Variants in TRMT11 observed in about 807,000 individuals in gnomAD.
TRMT11 encodes tRNA methyltransferase 11.
Under a neutral mutation model 62.8 loss-of-function variants are expected in TRMT11, and 53 were observed. The observed-to-expected ratio is 0.84, with a 90% CI of 0.68 to 1.06. The LOEUF (loss-of-function observed/expected upper bound fraction) is 1.06, where lower values mean the gene tolerates loss of function less well. Ranked by LOEUF, TRMT11 falls within the 50% of genes least tolerant of loss-of-function variation. TRMT11 has a pLI of 0.00. For synonymous variants in TRMT11, 188 were observed against 190.3 expected (o/e 0.99, Z 0.10); for missense variants, 556 against 553.4 (o/e 1.00, Z -0.05).
At chr6:126,243,378 G>C in the TRMT11 span, among the ~76,000 whole-genome samples, 61 of 152,242 alleles carry the variant, frequency 4.0e-4, no homozygotes, top group Non-Finnish European at 1.6e-4. Context: ...TCAGTGTGGC[G>C]ATTCCTCAGG....
At chr6:126,115,812 C>T (rs1777580192) in exon 21 of TRMT11, among the ~76,000 whole-genome samples, 1 of 151,928 alleles carries the variant, frequency 6.6e-6, no homozygotes, top group Admixed American at 6.6e-5. Context: ...TTCCTGTTCC[C>T]ATTAGTGTCA....
chr6:126,018,566 A>G (rs1795327755), intron 11 of TRMT11, among the ~76,000 whole-genome samples: 2 of 152,084 alleles, frequency 1.3e-5, no homozygotes, highest in South Asian at 2.1e-4. Flanking sequence ...TTGTGTGACC[A>G]TCACCACTAG....
downstream of TRMT11, among the ~76,000 whole-genome samples, chr6:126,207,788 A>G (rs1778803589): frequency 6.6e-6 from 1 of 152,240 alleles, no homozygotes; most frequent in African/African-American, 2.4e-5. Context: ...AAGGCTAAAA[A>G]CATAAAATAT....
At chr6:126,151,849 T>TCTTTCTTTCTTTCTTTCTTTAGTTTC in intron 21 of TRMT11, among the ~76,000 whole-genome samples, 2 of 146,008 alleles carry the variant, frequency 1.4e-5, no homozygotes, top group African/African-American at 5.1e-5. Context: ...TTTCTTTCTT[T>TCTTTCTTTCTTTCTTTCTTTAGTTTC]CTTTCTTTCT....
At chr6:126,213,037 C>G in the TRMT11 span, among the ~76,000 whole-genome samples, 1 of 152,120 alleles carries the variant, frequency 6.6e-6, no homozygotes, top group East Asian at 1.9e-4. Flanking sequence ...TGTCCTATTC[C>G]CAGTGTATGC....
chr6:126,176,381 C>A (rs538492164), upstream of TRMT11, among the ~76,000 whole-genome samples: 4 of 151,632 alleles, frequency 2.6e-5, 1 homozygote, highest in South Asian at 8.3e-4. Context: ...TCAACCCAGC[C>A]ATTATACATG....
chr6:126,151,806 T>TTTTCTTCCTTTC (rs1554242200), intron 21 of TRMT11, among the ~76,000 whole-genome samples: 1 of 86,880 alleles, frequency 1.2e-5, no homozygotes, highest in East Asian at 3.5e-4. Context: ...CCTCTCTGTC[T>TTTTCTTCCTTTC]TTTCTTTCTT....
At chr6:126,021,951 G>A (rs775667214) in intron 12 of TRMT11, among the ~76,000 whole-genome samples, 7 of 151,566 alleles carry the variant, frequency 4.6e-5, no homozygotes, top group Non-Finnish European at 8.8e-5. Flanking sequence ...GACAACCAAA[G>A]CTCTCTTAAA....
chr6:126,166,951 A>G (rs1344348271), intron 21 of TRMT11, among the ~76,000 whole-genome samples: 1 of 152,104 alleles, frequency 6.6e-6, no homozygotes, highest in Non-Finnish European at 1.5e-5. Flanking sequence ...AATAATGACC[A>G]GTGTCCCACC....
intron 12 of TRMT11, among the ~76,000 whole-genome samples, chr6:126,026,385 T>TTTG (rs1358906907): frequency 1.1e-3 from 160 of 143,576 alleles, no homozygotes; most frequent in African/African-American, 4.6e-3. Flanking sequence ...CTTTTTATGT[T>TTTG]TTTTTTTAAT....
downstream of TRMT11, among the ~76,000 whole-genome samples, chr6:126,203,154 C>CA (rs1282579797): frequency 2.6e-5 from 4 of 152,184 alleles, no homozygotes; most frequent in African/African-American, 9.7e-5. Flanking sequence ...TGTGGTCGCA[C>CA]AGGGCCCTGA....
chr6:126,010,732 A>G, intron 8 of TRMT11, among the ~76,000 whole-genome samples: 1 of 152,002 alleles, frequency 6.6e-6, no homozygotes, highest in Middle Eastern at 3.2e-3. Context: ...CACTGGTGTC[A>G]TCATCCTAAA....
At chr6:126,191,033 T>C (rs959820173) in intron 1 of TRMT11, among the ~76,000 whole-genome samples, 2 of 152,176 alleles carry the variant, frequency 1.3e-5, no homozygotes, top group African/African-American at 4.8e-5. Context: ...ATGATGGCTG[T>C]ACTACTTTAC....
intron 21 of TRMT11, among the ~76,000 whole-genome samples, chr6:126,122,570 A>C (rs550593199): frequency 6.6e-6 from 1 of 152,240 alleles, no homozygotes; most frequent in South Asian, 2.1e-4. Context: ...TGTGCCCCAC[A>C]CCAGAAGGAA....
Position 126,190,597 on chromosome 6 carries a change from G to A in TRMT11, n.144-8202G>A, listed in dbSNP as rs189488846. ...TCTTTATAGCAGTGTGATAATGGAC[G>A]AATACACCTTCCCAGCCTCTGTTTA... On this transcript the variant is annotated intron_variant and non_coding_transcript_variant, in intron 1 of 3. Coordinates refer to the TRMT11 transcript ENST00000444229. 2.5e-3 allele frequency among the ~76,000 whole-genome samples: 376 copies of A among 152,082 alleles called. 1 individual carries two copies. Among genetic ancestry groups the A allele is most frequent in the African/African-American group, 8.6e-3 (358 of 41,494 alleles).
rs140357808 is a variant in TRMT11 at position 126,033,201 on chromosome 6, G to A, written c.1261-5504G>A. ...CTCAATGAAGAATCTTTCGTATGTTGGAAGTCTGAGCAGTTTATGATGGTC... is the reference window on the plus strand; with the variant it reads ...CTCAATGAAGAATCTTTCGTATGTTAGAAGTCTGAGCAGTTTATGATGGTC... On this transcript the variant is annotated intron_variant, in intron 12 of 12. Transcript: ENST00000334379. 2.9e-3 allele frequency among the ~76,000 whole-genome samples: 449 copies of A among 152,214 alleles called. 5 individuals are homozygous for A. The highest frequency in any genetic ancestry group is 0.014 in the South Asian group (70 of 4,834).
At chr6:126,210,218 T>C in the TRMT11 span, among the ~76,000 whole-genome samples, 1 of 152,054 alleles carries the variant, frequency 6.6e-6, no homozygotes, top group Non-Finnish European at 1.5e-5. Flanking sequence ...AATTCAAAAT[T>C]AGAGAGATTC....
At chr6:126,223,464 A>G in the TRMT11 span, among the ~76,000 whole-genome samples, 1 of 144,546 alleles carries the variant, frequency 6.9e-6, no homozygotes, top group Admixed American at 6.8e-5. Flanking sequence ...AAAACAAAAC[A>G]AAAAGAAGGC....
chr6:126,021,150 C>A lies in TRMT11; in HGVS notation c.1140-10C>A. 1 of 1,613,942 alleles carries A rather than the reference C, an allele frequency of 6.2e-7. No homozygotes were observed. ...TGAGTGTTCCTAACAGTCAGCTGTTCTTTCTTCAGATACACTGAAGAGATG... is the reference window on the plus strand; with the variant it reads ...TGAGTGTTCCTAACAGTCAGCTGTTATTTCTTCAGATACACTGAAGAGATG... On this transcript the variant is annotated splice_polypyrimidine_tract_variant and intron_variant, in intron 11 of 12. Transcript: ENST00000334379.
Sources: gnomAD v4.1 joint callset for allele counts (sites outside exome capture counted in the v4.1 genomes callset) on GRCh38, gnomAD v4.1.1 for gene constraint, MANE v1.5 for transcripts, NCBI Gene and HGNC (gene_info 2026-07-23, HGNC 2026-07-21) for gene names.